The following SORL1 variants were observed in gnomAD, a reference collection of about 807,000 sequenced individuals.
The protein encoded by SORL1 is sortilin related receptor 1, also known as sortilin-related receptor.
A neutral mutation model predicts 273.7 loss-of-function variants in SORL1; 127 were observed. The ratio of observed to expected loss-of-function variants is 0.46; its 90% confidence interval spans 0.40 to 0.54. SORL1 has a LOEUF of 0.54. SORL1 is among the 20% of genes least tolerant of loss of function. SORL1 has a pLI of 0.00. For missense variants in SORL1, 2,494 were observed against 2,846.1 expected, an observed-to-expected ratio of 0.88 and a Z score of 2.81; for synonymous variants, 1,031 against 1,067.4, an observed-to-expected ratio of 0.97 and a Z score of 0.66.
At chr11:121,597,440 C>T (rs1165295002) in intron 32 of SORL1, among the ~76,000 whole-genome samples, 4 of 149,860 alleles carry the variant, frequency 2.7e-5, no homozygotes, top group African/African-American at 9.8e-5. Flanking sequence ...AATACAAATT[C>T]TTTGTGTGTT....
At chr11:121,470,699 G>C (rs924908128) in intron 2 of SORL1, among the ~76,000 whole-genome samples, 26 of 151,860 alleles carry the variant, frequency 1.7e-4, no homozygotes, top group African/African-American at 6.0e-4. Context: ...TTTTGAGTTG[G>C]GGTCTGGCTC....
intron 25 of SORL1, among the ~76,000 whole-genome samples, chr11:121,580,797 G>A (rs1279905535): frequency 1.3e-5 from 2 of 151,544 alleles, no homozygotes; most frequent in East Asian, 1.9e-4. Flanking sequence ...TAGAGATGGG[G>A]TTTTGCCATA....
chr11:121,470,155 G>A, intron 2 of SORL1, 32 bp downstream of exon 2: 1 of 1,435,624 alleles, frequency 7.0e-7, no homozygotes, highest in Non-Finnish European at 9.8e-7. Flanking sequence ...GGCACACCTT[G>A]GTGCCATCAA....
chr11:121,580,229 C>T (rs1293485866), intron 25 of SORL1, among the ~76,000 whole-genome samples: 1 of 152,198 alleles, frequency 6.6e-6, no homozygotes, highest in Non-Finnish European at 1.5e-5. Flanking sequence ...CTGTTGGCTA[C>T]TTTCTCTGGT....
Position 121,630,812 on chromosome 11 carries a change from T to C in SORL1, c.*1249T>C, listed in dbSNP as rs1340902512. The C allele has an allele frequency of 1.3e-5, 2 of 152,246 alleles. No homozygotes were observed. The highest frequency in any genetic ancestry group is 4.8e-5 in the African/African-American group (2 of 41,468). 9.4% of individuals were successfully genotyped at this position (152,246 alleles called of 1,614,324 possible). Reference sequence around the variant, plus strand: ...TCTGTAAAACAAGCTGTGCTTTTTTTCTTCTGCCTTTAAAATGCCACCCGT... The same window carrying C: ...TCTGTAAAACAAGCTGTGCTTTTTTCCTTCTGCCTTTAAAATGCCACCCGT... On this transcript the variant is annotated 3_prime_UTR_variant, in exon 48 of 48. Transcript: ENST00000260197.
chr11:121,502,124 CTTTTTTTTT>C (rs57842880), intron 6 of SORL1, among the ~76,000 whole-genome samples: 218 of 65,162 alleles, frequency 3.3e-3, no homozygotes, highest in African/African-American at 0.01. Flanking sequence ...TGTGACAATT[CTTTTTTTTT>C]TTTTTTTTTT....
intron 30 of SORL1, chr11:121,590,628 C>T (rs1397761555): frequency 1.7e-6 from 1 of 601,258 alleles, no homozygotes; most frequent in South Asian, 2.0e-5. Context: ...TGAACCAGGT[C>T]GTGGAGTAGT....
intron 11 of SORL1, among the ~76,000 whole-genome samples, chr11:121,527,249 C>T (rs1403321893): frequency 6.6e-6 from 1 of 151,126 alleles, no homozygotes; most frequent in Non-Finnish European, 1.5e-5. Flanking sequence ...GCTATTTTTA[C>T]ATTTATTAAA....
At chr11:121,547,522 GC>G (rs1862451308) in intron 14 of SORL1, among the ~76,000 whole-genome samples, 1 of 148,422 alleles carries the variant, frequency 6.7e-6, no homozygotes, top group Non-Finnish European at 1.5e-5. Flanking sequence ...GGTCTACCAT[GC>G]CCACCCCATC....
At chr11:121,567,434 C>T (rs1297170926) in intron 22 of SORL1, among the ~76,000 whole-genome samples, 2 of 152,178 alleles carry the variant, frequency 1.3e-5, no homozygotes, top group African/African-American at 4.8e-5. Context: ...GCTTCTTCCT[C>T]TCCTCACCCA....
At chr11:121,463,572 T>G (rs1364650801) in intron 1 of SORL1, among the ~76,000 whole-genome samples, 1 of 152,224 alleles carries the variant, frequency 6.6e-6, no homozygotes, top group Non-Finnish European at 1.5e-5. Context: ...AGAATGGTCA[T>G]GGCTCCAGTG....
chr11:121,520,142 A>G (rs572030825), intron 8 of SORL1, among the ~76,000 whole-genome samples: 2 of 152,162 alleles, frequency 1.3e-5, no homozygotes, highest in Non-Finnish European at 2.9e-5. Context: ...AGTCCCAGCT[A>G]CTTGGGAGGC....
intron 5 of SORL1, among the ~76,000 whole-genome samples, chr11:121,492,722 G>A (rs1471108320): frequency 6.6e-6 from 1 of 151,724 alleles, no homozygotes; most frequent in East Asian, 1.9e-4. Context: ...CAGCCAATGT[G>A]TTAGGGAAGA....
At chr11:121,516,821 A>G (rs182156688) in intron 8 of SORL1, among the ~76,000 whole-genome samples, 142 of 152,278 alleles carry the variant, frequency 9.3e-4, no homozygotes, top group African/African-American at 3.2e-3. Flanking sequence ...TGGGAGGCCA[A>G]GATGGGTAGA....
intron 30 of SORL1, 150 bp downstream of exon 30, chr11:121,590,324 C>T (rs1473225588): frequency 1.4e-6 from 1 of 715,418 alleles, no homozygotes; most frequent in Non-Finnish European, 2.3e-6. Flanking sequence ...GTTCCTCTTT[C>T]TCATTTTGAA....
intron 14 of SORL1, 50 bp from the exon 15 acceptor site, chr11:121,549,910 C>G: frequency 1.9e-6 from 3 of 1,590,904 alleles, no homozygotes; most frequent in Non-Finnish European, 2.6e-6. Context: ...TACAGGAATG[C>G]CTGAAATGTA....
intron 1 of SORL1, among the ~76,000 whole-genome samples, chr11:121,456,825 C>CT (rs994404120): frequency 6.6e-6 from 1 of 152,186 alleles, no homozygotes; most frequent in African/African-American, 2.4e-5. Context: ...AATAAAGTGT[C>CT]TATTACAGCA....
intron 13 of SORL1, 144 bp downstream of exon 13, chr11:121,543,870 T>C (rs561568353): frequency 7.4e-6 from 5 of 675,528 alleles, no homozygotes; most frequent in South Asian, 2.3e-5. Context: ...GCAAAAAGCA[T>C]AGGGAGGTAA....
chr11:121,619,908 C>T lies in SORL1; in HGVS notation c.5880C>T (p.Asp1960=), dbSNP rs1863697878. Residue 1960 remains aspartate, a synonymous_variant, in exon 43 of 48, where the codon GAC becomes GAT. Transcript: ENST00000260197. ...GGGAATCACCGTATGACTCTCCTGA[C>T]CAGGACTTGGTGAGTGGGTTGGGCT... ...IKWESPYDSP[D]QDLLYAVAVK... The T allele has an allele frequency of 1.2e-6, 2 of 1,613,428 alleles. No homozygotes were observed. Among genetic ancestry groups the T allele is most frequent in the African/African-American group, 1.3e-5 (1 of 74,892 alleles).
Sources: allele counts gnomAD v4.1 joint callset (sites outside exome capture counted in the v4.1 genomes callset), GRCh38; gene constraint gnomAD v4.1.1; transcripts MANE v1.5; gene names NCBI Gene and HGNC (gene_info 2026-07-23, HGNC 2026-07-21).